Variants in CRPPA observed in about 807,000 individuals in gnomAD.
CRPPA encodes the protein D-ribitol-5-phosphate cytidylyltransferase.
CRPPA carries 43 observed loss-of-function variants against 52.0 expected under a neutral mutation model. The ratio of observed to expected loss-of-function variants is 0.83; its 90% CI spans 0.65 to 1.07. The LOEUF (loss-of-function observed/expected upper bound fraction) is 1.07. Among genes scored for constraint, CRPPA ranks in the 50% least tolerant of loss-of-function variants. CRPPA has a pLI of 0.00. For synonymous variants in CRPPA, 250 were observed against 203.5 expected, an observed-to-expected ratio of 1.23 and a Z score of -1.94; for missense variants, 629 against 551.7, an observed-to-expected ratio of 1.14 and a Z score of -1.40.
At chr7:16,400,240 T>C (rs1008718523) in intron 2 of CRPPA, among the ~76,000 whole-genome samples, 15 of 152,172 alleles carry the variant, frequency 9.9e-5, no homozygotes, top group Non-Finnish European at 2.9e-5. Context: ...ACACAAGATC[T>C]ACACATGATC....
At chr7:16,397,226 A>G (rs1787614231) in intron 2 of CRPPA, among the ~76,000 whole-genome samples, 2 of 152,252 alleles carry the variant, frequency 1.3e-5, no homozygotes, top group African/African-American at 2.4e-5. Flanking sequence ...CGTATGTGAT[A>G]CGAACATAAC....
At chr7:16,399,719 T>C (rs756704894) in intron 2 of CRPPA, among the ~76,000 whole-genome samples, 3 of 151,466 alleles carry the variant, frequency 2.0e-5, no homozygotes, top group Non-Finnish European at 4.4e-5. Flanking sequence ...ATGACTGACA[T>C]GACTGACATA....
chr7:16,217,275 C>T (rs895913287), intron 8 of CRPPA, among the ~76,000 whole-genome samples: 8 of 150,574 alleles, frequency 5.3e-5, no homozygotes, highest in Non-Finnish European at 7.4e-5. Flanking sequence ...GACATCCACA[C>T]CAAAAACCCA....
chr7:16,112,939 G>A (rs1444526579), intron 9 of CRPPA, among the ~76,000 whole-genome samples: 1 of 151,808 alleles, frequency 6.6e-6, no homozygotes, highest in East Asian at 1.9e-4. Context: ...ATACAGAAAT[G>A]CATTCATAAT....
chr7:16,249,812 A>G (rs80280843), intron 8 of CRPPA, among the ~76,000 whole-genome samples: 3,345 of 152,232 alleles, frequency 0.022, 144 homozygotes, highest in East Asian at 0.2. Context: ...AAAAACCAGA[A>G]TGCCTCTTCT....
At chr7:16,400,743 T>A (rs1787794450) in intron 2 of CRPPA, among the ~76,000 whole-genome samples, 1 of 152,226 alleles carries the variant, frequency 6.6e-6, no homozygotes, top group Admixed American at 6.5e-5. Context: ...ACCTGTGACG[T>A]GGCACATGAC....
chr7:16,216,577 G>A (rs943890266), intron 8 of CRPPA: 2 of 210,806 alleles, frequency 9.5e-6, no homozygotes, highest in South Asian at 7.0e-5. Context: ...CAGGTCAGTG[G>A]GTGCGCGCAC....
intron 2 of CRPPA, among the ~76,000 whole-genome samples, chr7:16,397,407 T>C (rs956091926): frequency 1.3e-5 from 2 of 152,174 alleles, no homozygotes; most frequent in African/African-American, 4.8e-5. Flanking sequence ...AACTGACACG[T>C]AATGGACACG....
intron 3 of CRPPA, among the ~76,000 whole-genome samples, chr7:16,366,574 A>G (rs1248099633): frequency 1.3e-5 from 2 of 152,172 alleles, no homozygotes; most frequent in African/African-American, 2.4e-5. Context: ...CTGAAAACAG[A>G]TAAAAGTAAT....
At chr7:16,154,451 G>A (rs1389932743) in intron 9 of CRPPA, among the ~76,000 whole-genome samples, 1 of 151,944 alleles carries the variant, frequency 6.6e-6, no homozygotes, top group Admixed American at 6.6e-5. Context: ...ACATTTTAAG[G>A]ACTTGATTTC....
intron 9 of CRPPA, among the ~76,000 whole-genome samples, chr7:16,157,376 G>A (rs887869810): frequency 1.3e-5 from 2 of 151,814 alleles, no homozygotes; most frequent in Non-Finnish European, 2.9e-5. Context: ...GTATTGATTA[G>A]GATAAAACCA....
intron 3 of CRPPA, among the ~76,000 whole-genome samples, chr7:16,371,074 G>C (rs1396753332): frequency 6.6e-6 from 1 of 152,128 alleles, no homozygotes; most frequent in Admixed American, 6.5e-5. Context: ...GCCTGGCAGG[G>C]GAGCTGAGGT....
chr7:16,271,026 C>T (rs1287068868), intron 6 of CRPPA, among the ~76,000 whole-genome samples: 2 of 151,924 alleles, frequency 1.3e-5, no homozygotes, highest in African/African-American at 2.4e-5. Flanking sequence ...AAACTAAGTA[C>T]CATAGAACAG....
chr7:16,127,788 T>C (rs1782607179), intron 9 of CRPPA, among the ~76,000 whole-genome samples: 1 of 152,154 alleles, frequency 6.6e-6, no homozygotes, highest in Non-Finnish European at 1.5e-5. Context: ...GTTTTGGAGA[T>C]ACAAAAATAA....
chr7:16,370,412 C>G (rs7783283), intron 3 of CRPPA, among the ~76,000 whole-genome samples: 22 of 152,006 alleles, frequency 1.4e-4, no homozygotes, highest in African/African-American at 4.8e-4. Flanking sequence ...CAGAGCTGAA[C>G]CCACTGCTGG....
At chr7:16,402,236 G>C (rs113230867) in intron 2 of CRPPA, among the ~76,000 whole-genome samples, 1 of 152,218 alleles carries the variant, frequency 6.6e-6, no homozygotes, top group African/African-American at 2.4e-5. Flanking sequence ...AGTTACAACA[G>C]TAAGCTTGGT....
At chr7:16,144,218 G>C (rs552937493) in intron 9 of CRPPA, among the ~76,000 whole-genome samples, 4 of 152,186 alleles carry the variant, frequency 2.6e-5, no homozygotes, top group Admixed American at 6.5e-5. Flanking sequence ...CCTGCCAAGA[G>C]CCCCTTTCAC....
intron 4 of CRPPA, among the ~76,000 whole-genome samples, chr7:16,307,673 CAAAAAA>C (rs55682769): frequency 1.1e-4 from 5 of 44,366 alleles, no homozygotes; most frequent in Non-Finnish European, 2.0e-4. Flanking sequence ...GAAACTCTGT[CAAAAAA>C]AAAAAAAAAA....
chr7:16,380,496 T>G (rs540076642), intron 2 of CRPPA, among the ~76,000 whole-genome samples: 10 of 152,346 alleles, frequency 6.6e-5, no homozygotes, highest in Admixed American at 6.5e-4. Flanking sequence ...AGAATGATGC[T>G]GGCCTCATAA....
Sources: allele counts gnomAD v4.1 joint callset (sites outside exome capture counted in the v4.1 genomes callset), GRCh38; gene constraint gnomAD v4.1.1; transcripts MANE v1.5; gene names NCBI Gene and HGNC (gene_info 2026-07-23, HGNC 2026-07-21).